Variants in CENPH observed in about 807,000 individuals in gnomAD.
CENPH encodes CENP-H.
CENPH carries 40 observed loss-of-function variants against 42.9 expected under a neutral mutation model. The observed-to-expected ratio is 0.93, with a 90% CI of 0.72 to 1.21. CENPH has a LOEUF of 1.21. Ranked by LOEUF, CENPH falls within the 50% of genes most tolerant of loss-of-function variation. The probability of loss-of-function intolerance (pLI) is 0.00; values close to 1 mark genes in which losing one functional copy is unlikely to be tolerated. For synonymous variants in CENPH, 88 were observed against 96.5 expected, an observed-to-expected ratio of 0.91 and a Z score of 0.52; for missense variants, 302 against 292.9, an observed-to-expected ratio of 1.03 and a Z score of -0.23.
intron 7 of CENPH, among the ~76,000 whole-genome samples, chr5:69,206,737 CCACCCTCCT>C (rs1358673005): frequency 2.0e-5 from 3 of 152,110 alleles, no homozygotes; most frequent in Non-Finnish European, 4.4e-5. Context: ...CTCAGGTGAT[CCACCCTCCT>C]CAGCCTCCCA....
At chr5:69,203,098 T>G (rs776385857) in intron 7 of CENPH, 128 bp downstream of exon 7, 28 of 676,328 alleles carry the variant, frequency 4.1e-5, no homozygotes, top group Non-Finnish European at 7.0e-5. Context: ...ATTTTTGACA[T>G]GGCAACTTAA....
intron 7 of CENPH, among the ~76,000 whole-genome samples, chr5:69,205,651 C>T (rs1330429216): frequency 6.7e-6 from 1 of 149,810 alleles, no homozygotes; most frequent in Non-Finnish European, 1.5e-5. Flanking sequence ...ATAGTTGGGA[C>T]TACAGGTGCA....
chr5:69,189,870 G>A, intron 1 of CENPH, 102 bp downstream of exon 1: 1 of 1,295,092 alleles, frequency 7.7e-7, no homozygotes, highest in South Asian at 1.6e-5. Flanking sequence ...GCTCGGTCAC[G>A]TCAGGTCTCC....
In CENPH at chr5:69,209,878, C is replaced by T. The variant is rs1748219048; in HGVS notation, c.*79C>T. 1 of 805,632 alleles carries T rather than the reference C, an allele frequency of 1.2e-6. No homozygotes were observed. Among genetic ancestry groups the T allele is most frequent in the Non-Finnish European group, 2.1e-6 (1 of 481,450 alleles). The allele number at this position is 805,632 out of a possible 1,614,324, so 49.9% of individuals were successfully genotyped here. A position where few individuals can be genotyped will look rare whatever the true frequency, so the allele number is the denominator to read the frequency against. ...GGAATACTTCTGTGCATTTGTCTGT[C>T]CACCGTAATTTTAGAAAAGCATATC... On this transcript the variant is annotated 3_prime_UTR_variant, in exon 9 of 9. Coordinates refer to ENST00000283006, the MANE Select transcript of CENPH (RefSeq NM_022909.4).
chr5:69,194,245 A>C (rs7719961), intron 2 of CENPH, among the ~76,000 whole-genome samples: 3,812 of 151,990 alleles, frequency 0.025, 165 homozygotes, highest in African/African-American at 0.085. Context: ...TGCAACCCCA[A>C]CCTCGTGGGC....
At chr5:69,197,930 T>C (rs1486924239) in intron 5 of CENPH, among the ~76,000 whole-genome samples, 2 of 136,850 alleles carry the variant, frequency 1.5e-5, no homozygotes, top group Non-Finnish European at 3.1e-5. Context: ...TTTTTTTTTT[T>C]TTTTTTTTTT....
At chr5:69,206,598 C>A (rs1282211350) in intron 7 of CENPH, among the ~76,000 whole-genome samples, 1 of 152,102 alleles carries the variant, frequency 6.6e-6, no homozygotes, top group African/African-American at 2.4e-5. Context: ...AAGCAGTTCT[C>A]CTACCTCAGC....
At chr5:69,203,749 T>C (rs895995116) in intron 7 of CENPH, among the ~76,000 whole-genome samples, 1 of 151,960 alleles carries the variant, frequency 6.6e-6, no homozygotes, top group Non-Finnish European at 1.5e-5. Context: ...GTGATCCGTC[T>C]GCCTTGGCCT....
chr5:69,194,552 A>C (rs367947664), intron 2 of CENPH, 95 bp from the exon 3 acceptor site: 56 of 646,680 alleles, frequency 8.7e-5, no homozygotes, highest in Non-Finnish European at 1.3e-4. Flanking sequence ...ACGACATTTT[A>C]AATGATGTCT....
intron 4 of CENPH, among the ~76,000 whole-genome samples, chr5:69,196,145 C>T (rs1482953899): frequency 1.3e-5 from 2 of 151,960 alleles, no homozygotes; most frequent in Non-Finnish European, 2.9e-5. Context: ...TCACTGTGCC[C>T]AGGCTGGTCT....
chr5:69,194,927 T>A (rs1429192718), intron 3 of CENPH, among the ~76,000 whole-genome samples: 1 of 151,414 alleles, frequency 6.6e-6, no homozygotes, highest in Non-Finnish European at 1.5e-5. Context: ...TCTTTTTTTT[T>A]TTTTTTTTTA....
chr5:69,205,979 G>A (rs888297329), intron 7 of CENPH, among the ~76,000 whole-genome samples: 25 of 151,862 alleles, frequency 1.6e-4, no homozygotes, highest in African/African-American at 4.4e-4. Flanking sequence ...AAAGTGCTGG[G>A]ATTACAGGCA....
In CENPH at chr5:69,189,610, TG is replaced by T; in HGVS notation, c.-23del. 6.3e-7 allele frequency: 1 copy of T among 1,576,898 alleles called. No individual in the cohort carries two copies. Among genetic ancestry groups the T allele is most frequent in the Non-Finnish European group, 8.6e-7 (1 of 1,165,938 alleles). The stretch of plus-strand genomic sequence containing the variant: ...TTTCTGAGCGCGTTTGCCTGTTGAG[TG>T]GTAGCCTTTCCCCTCAACCAGCAAT... On this transcript the variant is annotated 5_prime_UTR_variant, in exon 1 of 9. Coordinates refer to ENST00000283006, the MANE Select transcript of CENPH (RefSeq NM_022909.4).
intron 7 of CENPH, among the ~76,000 whole-genome samples, chr5:69,206,720 T>C (rs1456513698): frequency 6.6e-6 from 1 of 152,132 alleles, no homozygotes; most frequent in Non-Finnish European, 1.5e-5. Context: ...GGTCTCCAAC[T>C]CCTGACCTCA....
rs777947928 is a variant in CENPH at position 69,189,617 on chromosome 5, C to CTT, written c.-16_-15dup. 1 of 1,588,630 alleles carries CTT rather than the reference C, an allele frequency of 6.3e-7. No individual in the cohort carries two copies. The highest frequency in any genetic ancestry group is 1.1e-5 in the South Asian group (1 of 88,116). ...GCGCGTTTGCCTGTTGAGTGGTAGC[C>CTT]TTTCCCCTCAACCAGCAATGGAGGA... On this transcript the variant is annotated 5_prime_UTR_variant, in exon 1 of 9. Transcript: ENST00000283006.
chr5:69,193,663 G>GTTTT (rs527294772), intron 2 of CENPH, among the ~76,000 whole-genome samples: 1 of 135,502 alleles, frequency 7.4e-6, no homozygotes, highest in Non-Finnish European at 1.6e-5. Context: ...TGTTTTTTCT[G>GTTTT]TTTTTTTTTT....
At chr5:69,206,200 T>TA (rs1748156578) in intron 7 of CENPH, among the ~76,000 whole-genome samples, 1 of 151,124 alleles carries the variant, frequency 6.6e-6, no homozygotes, top group Admixed American at 6.6e-5. Context: ...TTTTTTTTTT[T>TA]ATACGGAATT....
chr5:69,198,022 G>A (rs1332708477), intron 5 of CENPH, among the ~76,000 whole-genome samples: 4 of 143,490 alleles, frequency 2.8e-5, no homozygotes, highest in Non-Finnish European at 4.5e-5. Context: ...CCGGGTTCAC[G>A]CCATTCTCCT....
At chr5:69,201,983 G>A (rs2112090485) in intron 5 of CENPH, among the ~76,000 whole-genome samples, 2 of 152,300 alleles carry the variant, frequency 1.3e-5, no homozygotes, top group South Asian at 2.1e-4. Context: ...TTGGTGTAGG[G>A]GATGTTGATA....
Sources: gnomAD v4.1 joint callset for allele counts (sites outside exome capture counted in the v4.1 genomes callset) on GRCh38, gnomAD v4.1.1 for gene constraint, MANE v1.5 for transcripts, NCBI Gene and HGNC (gene_info 2026-07-23, HGNC 2026-07-21) for gene names.